The following SGCZ variants were observed in gnomAD, a reference collection of about 807,000 sequenced individuals.
The protein encoded by SGCZ is sarcoglycan zeta.
A neutral mutation model predicts 41.3 loss-of-function variants in SGCZ; 40 were observed. That is an observed-to-expected ratio of 0.97 (90% CI 0.75 to 1.26). The LOEUF (loss-of-function observed/expected upper bound fraction) is 1.26, where lower values mean the gene tolerates loss of function less well. Ranked by LOEUF, SGCZ falls within the 50% of genes most tolerant of loss-of-function variation. The probability of loss-of-function intolerance (pLI) is 0.00; values close to 1 mark genes in which losing one functional copy is unlikely to be tolerated. For synonymous variants in SGCZ, 206 were observed against 137.5 expected (o/e 1.50, Z -3.49); for missense variants, 552 against 369.8 (o/e 1.49, Z -4.04).
chr8:14,314,095 A>G (rs1365975167), intron 3 of SGCZ, among the ~76,000 whole-genome samples: 1 of 152,114 alleles, frequency 6.6e-6, no homozygotes, highest in Non-Finnish European at 1.5e-5. Context: ...AGTGACATAC[A>G]ATGGTGTAAT....
chr8:15,200,918 T>C (rs1252074999), intron 1 of SGCZ, among the ~76,000 whole-genome samples: 1 of 152,214 alleles, frequency 6.6e-6, no homozygotes, highest in Non-Finnish European at 1.5e-5. Flanking sequence ...ATGTACATTC[T>C]GTTGGTCTCT....
intron 2 of SGCZ, among the ~76,000 whole-genome samples, chr8:14,385,884 C>G (rs1804556468): frequency 6.6e-6 from 1 of 152,068 alleles, no homozygotes; most frequent in South Asian, 2.1e-4. Context: ...GATGTTCAAT[C>G]CTTTATGTAA....
At chr8:14,778,082 C>T (rs933603246) in intron 1 of SGCZ, among the ~76,000 whole-genome samples, 7 of 151,984 alleles carry the variant, frequency 4.6e-5, no homozygotes, top group Non-Finnish European at 1.0e-4. Context: ...CACCATCATG[C>T]CTGGCTAATA....
intron 1 of SGCZ, among the ~76,000 whole-genome samples, chr8:14,861,227 C>A (rs1803737167): frequency 6.6e-6 from 1 of 152,112 alleles, no homozygotes; most frequent in Non-Finnish European, 1.5e-5. Context: ...TCCATTCTTA[C>A]ACATGTTTTC....
At chr8:15,218,292 C>G (rs1472127840) in intron 1 of SGCZ, among the ~76,000 whole-genome samples, 1 of 151,974 alleles carries the variant, frequency 6.6e-6, no homozygotes, top group Non-Finnish European at 1.5e-5. Flanking sequence ...ATAAAAGAGC[C>G]TATTGCCCTA....
At chr8:14,663,209 G>T (rs559935575) in intron 1 of SGCZ, among the ~76,000 whole-genome samples, 1 of 152,118 alleles carries the variant, frequency 6.6e-6, no homozygotes, top group Non-Finnish European at 1.5e-5. Flanking sequence ...AGGGACAATT[G>T]TACCTACCCC....
At chr8:14,283,993 T>C (rs1800535580) in intron 3 of SGCZ, among the ~76,000 whole-genome samples, 1 of 152,268 alleles carries the variant, frequency 6.6e-6, no homozygotes, top group South Asian at 2.1e-4. Context: ...TATAAGGTGT[T>C]ATTAGGCATA....
At chr8:15,112,335 A>T (rs1807101420) in intron 1 of SGCZ, among the ~76,000 whole-genome samples, 1 of 152,244 alleles carries the variant, frequency 6.6e-6, no homozygotes, top group Admixed American at 6.5e-5. Flanking sequence ...TGCAAACAAT[A>T]GTATTGAGTT....
intron 2 of SGCZ, among the ~76,000 whole-genome samples, chr8:14,339,014 G>C (rs895084200): frequency 6.6e-6 from 1 of 152,142 alleles, no homozygotes; most frequent in Non-Finnish European, 1.5e-5. Context: ...CTATGTTAGA[G>C]AAATTAGTAC....
intron 1 of SGCZ, among the ~76,000 whole-genome samples, chr8:14,760,298 C>T (rs572426340): frequency 6.6e-5 from 10 of 152,216 alleles, no homozygotes; most frequent in Admixed American, 2.6e-4. Flanking sequence ...TACACAACAC[C>T]GTTTTATAAA....
intron 5 of SGCZ, among the ~76,000 whole-genome samples, chr8:14,123,257 A>G (rs1482769761): frequency 6.6e-6 from 1 of 152,238 alleles, no homozygotes; most frequent in Non-Finnish European, 1.5e-5. Flanking sequence ...TTAAAGACCG[A>G]AAATAACAAA....
chr8:15,097,193 G>C lies in SGCZ; in HGVS notation c.39+140392C>G, dbSNP rs80116646. ...AAGCCCATAAGTCTTGTACCCTACC[G>C]ACAGTTTCACCAACTTCATAACGTG... On this transcript the variant is annotated intron_variant, in intron 1 of 7. Coordinates refer to ENST00000382080, the MANE Select transcript of SGCZ (RefSeq NM_139167.4). Among the ~76,000 whole-genome samples, 1,190 of 152,140 alleles carry C rather than the reference G, an allele frequency of 7.8e-3. 16 individuals carry two copies. The highest frequency in any genetic ancestry group is 0.027 in the African/African-American group (1,126 of 41,476).
At chr8:14,935,474 G>A (rs1043809801) in intron 1 of SGCZ, among the ~76,000 whole-genome samples, 1 of 150,426 alleles carries the variant, frequency 6.6e-6, no homozygotes, top group Non-Finnish European at 1.5e-5. Context: ...AAAGGTAGAT[G>A]TTAATGTCTT....
chr8:15,206,984 A>T (rs893432419), intron 1 of SGCZ, among the ~76,000 whole-genome samples: 1 of 152,174 alleles, frequency 6.6e-6, no homozygotes, highest in Admixed American at 6.5e-5. Context: ...TGCAGAAAAA[A>T]GGAAAGAGTA....
At chr8:14,360,923 C>T (rs139392696) in intron 2 of SGCZ, among the ~76,000 whole-genome samples, 24 of 152,204 alleles carry the variant, frequency 1.6e-4, no homozygotes, top group African/African-American at 4.8e-4. Context: ...GACGAGTGAT[C>T]TAGTTTTTCC....
intron 2 of SGCZ, among the ~76,000 whole-genome samples, chr8:14,401,962 T>G (rs1262164739): frequency 6.6e-6 from 1 of 151,662 alleles, no homozygotes; most frequent in Admixed American, 6.6e-5. Context: ...GTTTCCTGAC[T>G]TTTTAATGAT....
rs1442643943 is a variant in SGCZ at position 15,098,274 on chromosome 8, C to G, written c.39+139311G>C. Among the ~76,000 whole-genome samples the G allele has an allele frequency of 2.0e-5, 3 of 152,166 alleles. No individual in the cohort carries two copies. The East Asian group carries it at 5.8e-4, about 29-fold the overall frequency. On this transcript the variant is annotated intron_variant, in intron 1 of 7. Coordinates refer to ENST00000382080, the MANE Select transcript of SGCZ (RefSeq NM_139167.4). ...AAGGAAAACTGAAACAAGTTTAAAGCTACAATGTGCATATTCTTCCTTACA... is the reference window on the plus strand; with the variant it reads ...AAGGAAAACTGAAACAAGTTTAAAGGTACAATGTGCATATTCTTCCTTACA...
chr8:14,177,377 G>T lies in SGCZ; in HGVS notation c.425-12675C>A, dbSNP rs576847028. On this transcript the variant is annotated intron_variant, in intron 4 of 7. Coordinates refer to ENST00000382080, the MANE Select transcript of SGCZ (RefSeq NM_139167.4). Reference sequence around the variant, plus strand: ...GAACTCCAGATTGTTACATATTACGGCCCTTTCTTGTGAACATAATTTAAC... The same window carrying T: ...GAACTCCAGATTGTTACATATTACGTCCCTTTCTTGTGAACATAATTTAAC... 6.6e-5 allele frequency among the ~76,000 whole-genome samples: 10 copies of T among 152,296 alleles called. No individual in the cohort carries two copies. The South Asian group carries it at 2.1e-3, about 32-fold the overall frequency.
intron 1 of SGCZ, among the ~76,000 whole-genome samples, chr8:15,045,500 G>C (rs920177562): frequency 1.3e-5 from 2 of 152,008 alleles, no homozygotes; most frequent in Non-Finnish European, 2.9e-5. Context: ...GCTTTCCTTG[G>C]GGTTGAGCCA....
Sources: allele counts gnomAD v4.1 joint callset (sites outside exome capture counted in the v4.1 genomes callset), GRCh38; gene constraint gnomAD v4.1.1; transcripts MANE v1.5; gene names NCBI Gene and HGNC (gene_info 2026-07-23, HGNC 2026-07-21).